The following GLRA1 variants were observed in gnomAD, a reference collection of about 807,000 sequenced individuals.
GLRA1 encodes glycine receptor subunit alpha-1.
GLRA1 carries 37 observed loss-of-function variants against 48.3 expected under a neutral mutation model. The ratio of observed to expected loss-of-function variants is 0.77; its 90% CI spans 0.59 to 1.01. The LOEUF (loss-of-function observed/expected upper bound fraction) is 1.01. GLRA1 is among the 50% of genes least tolerant of loss of function. The pLI, the probability that GLRA1 is intolerant of heterozygous loss-of-function variation, is 0.00. For synonymous variants in GLRA1, 196 were observed against 210.7 expected, an observed-to-expected ratio of 0.93 and a Z score of 0.60; for missense variants, 427 against 571.0, an observed-to-expected ratio of 0.75 and a Z score of 2.57.
chr5:151,870,416 T>TA (rs1753445395), intron 3 of GLRA1, among the ~76,000 whole-genome samples: 1 of 149,718 alleles, frequency 6.7e-6, no homozygotes. Context: ...CTCTGAGAGT[T>TA]AAAAAACAAA....
At chr5:151,862,775 A>G (rs1255109900) in intron 3 of GLRA1, among the ~76,000 whole-genome samples, 1 of 152,226 alleles carries the variant, frequency 6.6e-6, no homozygotes, top group East Asian at 1.9e-4. Context: ...ATATTTGTGC[A>G]TGGTGAGTAT....
Position 151,823,004 on chromosome 5 carries a change from A to G in GLRA1, c.1060-41T>C, listed in dbSNP as rs749869637. ...CATGGGGCTCTACTTAAAATAAGACAGGGGCTAGGCACCCTCCCTGCAAGG... is the reference window on the plus strand; with the variant it reads ...CATGGGGCTCTACTTAAAATAAGACGGGGGCTAGGCACCCTCCCTGCAAGG... On this transcript the variant is annotated intron_variant, in intron 8 of 8. Transcript: ENST00000274576. The G allele has an allele frequency of 5.8e-6, 9 of 1,546,250 alleles. No individual in the cohort carries two copies. The Admixed American group carries it at 1.7e-4, about 29-fold the overall frequency.
intron 6 of GLRA1, among the ~76,000 whole-genome samples, chr5:151,852,269 A>G (rs2113344918): frequency 6.6e-6 from 1 of 152,274 alleles, no homozygotes; most frequent in East Asian, 1.9e-4. Flanking sequence ...CCCTTTGCCC[A>G]GAATGCCCTT....
chr5:151,841,421 C>A (rs1177839657), intron 7 of GLRA1, among the ~76,000 whole-genome samples: 1 of 143,894 alleles, frequency 6.9e-6, no homozygotes, highest in African/African-American at 2.6e-5. Flanking sequence ...TAACTTTGCA[C>A]TTTAAGAAAC....
chr5:151,830,938 CTG>C (rs1282105869), intron 7 of GLRA1, among the ~76,000 whole-genome samples: 6 of 152,194 alleles, frequency 3.9e-5, no homozygotes, highest in Non-Finnish European at 8.8e-5. Context: ...GCATTTCTAA[CTG>C]AGGTACCCAG....
chr5:151,886,242 A>T (rs1753902261), intron 3 of GLRA1, among the ~76,000 whole-genome samples: 1 of 151,910 alleles, frequency 6.6e-6, no homozygotes, highest in East Asian at 1.9e-4. Flanking sequence ...CAATTTTGGT[A>T]TTTTTTTTCC....
intron 1 of GLRA1, among the ~76,000 whole-genome samples, chr5:151,906,198 A>G (rs1018994035): frequency 2.0e-5 from 3 of 152,244 alleles, no homozygotes; most frequent in African/African-American, 4.8e-5. Context: ...AAGAAAATAC[A>G]TATCAAGTGA....
intron 1 of GLRA1, among the ~76,000 whole-genome samples, chr5:151,910,963 C>T (rs928701602): frequency 1.3e-5 from 2 of 152,216 alleles, no homozygotes; most frequent in Admixed American, 1.3e-4. Context: ...CTTAGAACAA[C>T]TCCTGGTTAT....
intron 1 of GLRA1, among the ~76,000 whole-genome samples, chr5:151,916,564 G>A (rs570985346): frequency 2.8e-4 from 43 of 152,342 alleles, no homozygotes; most frequent in Admixed American, 2.8e-3. Context: ...CAGACAGGTG[G>A]TAGAATGTGG....
intron 3 of GLRA1, among the ~76,000 whole-genome samples, chr5:151,877,201 GA>G (rs1753647190): frequency 6.6e-6 from 1 of 152,210 alleles, no homozygotes; most frequent in Admixed American, 6.5e-5. Flanking sequence ...TGGCAAATGT[GA>G]AATTGTGTGT....
intron 7 of GLRA1, chr5:151,850,087 C>G (rs1024850220): frequency 6.2e-7 from 1 of 1,603,968 alleles, no homozygotes; most frequent in African/African-American, 1.3e-5. Context: ...CAGGAATATA[C>G]CCTCATGGGG....
At chr5:151,883,513 G>A (rs539939147) in intron 3 of GLRA1, among the ~76,000 whole-genome samples, 5 of 152,250 alleles carry the variant, frequency 3.3e-5, no homozygotes, top group East Asian at 1.9e-4. Context: ...ACAAACCTCC[G>A]TTTCTTCAGC....
intron 2 of GLRA1, among the ~76,000 whole-genome samples, chr5:151,891,916 C>T (rs772913697): frequency 1.3e-5 from 2 of 151,994 alleles, no homozygotes; most frequent in Non-Finnish European, 2.9e-5. Context: ...GTTGCCAAGC[C>T]CATTACTATA....
intron 1 of GLRA1, among the ~76,000 whole-genome samples, chr5:151,922,911 A>G (rs1295129946): frequency 6.6e-6 from 1 of 152,234 alleles, no homozygotes; most frequent in Non-Finnish European, 1.5e-5. Flanking sequence ...CAGAGAATCA[A>G]TTTGCATACA....
chr5:151,922,776 A>G (rs1581671038), intron 1 of GLRA1, among the ~76,000 whole-genome samples: 1 of 152,328 alleles, frequency 6.6e-6, no homozygotes, highest in East Asian at 1.9e-4. Context: ...TGGAGAGGAA[A>G]ATCAAGCATT....
intron 7 of GLRA1, among the ~76,000 whole-genome samples, chr5:151,830,864 C>A (rs142109428): frequency 6.6e-6 from 1 of 152,312 alleles, no homozygotes; most frequent in African/African-American, 2.4e-5. Flanking sequence ...GGCAAGATGG[C>A]CAAATAGGAA....
chr5:151,881,850 T>C (rs1753772203), intron 3 of GLRA1, among the ~76,000 whole-genome samples: 1 of 152,188 alleles, frequency 6.6e-6, no homozygotes, highest in Non-Finnish European at 1.5e-5. Flanking sequence ...CAGTTAGGCC[T>C]GGGGACTCCA....
chr5:151,832,065 T>C (rs1763440651), intron 7 of GLRA1, among the ~76,000 whole-genome samples: 1 of 152,082 alleles, frequency 6.6e-6, no homozygotes, highest in Non-Finnish European at 1.5e-5. Flanking sequence ...GGCCTGACTG[T>C]TAGAAGGAAA....
chr5:151,878,824 T>C (rs1235745471), intron 3 of GLRA1, among the ~76,000 whole-genome samples: 5 of 152,212 alleles, frequency 3.3e-5, no homozygotes, highest in Non-Finnish European at 7.3e-5. Flanking sequence ...TGGAAACCCC[T>C]GGATGCCCAA....
Sources: allele counts gnomAD v4.1 joint callset (sites outside exome capture counted in the v4.1 genomes callset), GRCh38; gene constraint gnomAD v4.1.1; transcripts MANE v1.5; gene names NCBI Gene and HGNC (gene_info 2026-07-23, HGNC 2026-07-21).